SDC4: variants seen among roughly 807,000 people sequenced by gnomAD.
The protein encoded by SDC4 is syndecan 4.
SDC4 carries 17 observed loss-of-function variants against 20.5 expected under a neutral mutation model. The ratio of observed to expected loss-of-function variants is 0.83; its 90% CI spans 0.57 to 1.25. The LOEUF is 1.25. SDC4 is among the 50% of genes most tolerant of loss of function. SDC4 has a pLI of 0.00. For missense variants in SDC4, 241 were observed against 252.3 expected, an observed-to-expected ratio of 0.96 and a Z score of 0.30; for synonymous variants, 107 against 105.3, an observed-to-expected ratio of 1.02 and a Z score of -0.10.
intron 1 of SDC4, among the ~76,000 whole-genome samples, chr20:45,343,867 C>T (rs535120455): frequency 1.3e-5 from 2 of 152,332 alleles, no homozygotes; most frequent in South Asian, 4.1e-4. Flanking sequence ...CTTTAAGCTT[C>T]GCCACACCGG....
chr20:45,328,706 A>G (rs1407240673), intron 4 of SDC4, among the ~76,000 whole-genome samples: 2 of 152,162 alleles, frequency 1.3e-5, no homozygotes, highest in Admixed American at 6.5e-5. Flanking sequence ...TACTCGGGCT[A>G]AGAAGATTAA....
At position 45,330,458 on chromosome 20, in the gene SDC4, G is replaced by A; in HGVS notation, c.353C>T (p.Pro118Leu). The change falls in exon 4 of 5, where the codon CCC (proline) becomes CTC (leucine). Residue 118 changes from proline (P) to leucine (L), a missense_variant. Pro to Leu is a moderately conservative substitution (Grantham distance 98). Transcript: ENST00000372733. ...ENEVIPKRIS[P>L]VEESEDVSNK... is the part of the protein sequence containing the mutation. ...GGACACATCCTCACTCTCTTCAACG[G>A]GTGAGATTCTCTTGGGGATAACCTC... 6.2e-7 allele frequency: 1 copy of A among 1,614,078 alleles called. No individual in the cohort carries two copies. The highest frequency in any genetic ancestry group is 8.5e-7 in the Non-Finnish European group (1 of 1,179,934).
chr20:45,336,887 A>G (rs559491857), intron 1 of SDC4, among the ~76,000 whole-genome samples: 97 of 151,830 alleles, frequency 6.4e-4, no homozygotes, highest in African/African-American at 2.2e-3. Context: ...TGCCTTCCAA[A>G]CATCTCCCAC....
At chr20:45,337,356 T>C (rs1987887098) in intron 1 of SDC4, among the ~76,000 whole-genome samples, 1 of 152,114 alleles carries the variant, frequency 6.6e-6, no homozygotes, top group Admixed American at 6.5e-5. Flanking sequence ...TGAAAGACAT[T>C]CCCATCTTCT....
chr20:45,337,620 C>T (rs914223823), intron 1 of SDC4, among the ~76,000 whole-genome samples: 9 of 152,230 alleles, frequency 5.9e-5, no homozygotes, highest in Non-Finnish European at 1.2e-4. Flanking sequence ...TGAGAAGGAA[C>T]ATCTGTCCCT....
At chr20:45,330,622 G>A in intron 3 of SDC4, 58 bp from the exon 4 acceptor site, 1 of 1,462,914 alleles carries the variant, frequency 6.8e-7, no homozygotes, top group Non-Finnish European at 9.5e-7. Context: ...ACTCAGGGCA[G>A]GGGACAGGGA....
rs528892488 is a variant in SDC4 at position 45,325,454 on chromosome 20, A to G, written c.*1810T>C. 1 of 152,898 alleles carries G rather than the reference A, an allele frequency of 6.5e-6. No individual in the cohort carries two copies. The highest frequency in any genetic ancestry group is 2.4e-5 in the African/African-American group (1 of 41,568). 9.5% of individuals were successfully genotyped at this position (152,898 alleles called of 1,614,324 possible). A position where few individuals can be genotyped will look rare whatever the true frequency, so the allele number is the denominator to read the frequency against. ...GCTGGGACCCTGGGTTGCAGTGGTG[A>G]CGGGAGCTAATGGCCACTGGTGCAG... On this transcript the variant is annotated 3_prime_UTR_variant, in exon 5 of 5. Transcript: ENST00000372733.
chr20:45,335,718 T>C, intron 2 of SDC4, 64 bp downstream of exon 2: 1 of 1,556,302 alleles, frequency 6.4e-7, no homozygotes, highest in South Asian at 1.1e-5. Context: ...GTCACCCTCC[T>C]GGCTGGTGAA....
chr20:45,326,383 T>TAAAA lies in SDC4; in HGVS notation c.*877_*880dup, dbSNP rs35186241. 1.1e-4 allele frequency: 11 copies of TAAAA among 97,674 alleles called. No individual in the cohort carries two copies. Among genetic ancestry groups the TAAAA allele is most frequent in the Admixed American group, 2.3e-4 (2 of 8,848 alleles). 6.1% of individuals were successfully genotyped at this position (97,674 alleles called of 1,614,324 possible). Reference sequence around the variant, plus strand: ...AGGCCCTATCTAAAGCTATAAATAGTAAAAAAAAAAAAAAAAAAAAAAAAT... The same window carrying TAAAA: ...AGGCCCTATCTAAAGCTATAAATAGTAAAAAAAAAAAAAAAAAAAAAAAAAAAAT... On this transcript the variant is annotated 3_prime_UTR_variant, in exon 5 of 5. Coordinates refer to ENST00000372733, the MANE Select transcript of SDC4 (RefSeq NM_002999.4).
intron 4 of SDC4, among the ~76,000 whole-genome samples, chr20:45,329,020 T>G (rs757927660): frequency 2.0e-5 from 3 of 152,130 alleles, no homozygotes; most frequent in Non-Finnish European, 4.4e-5. Context: ...AAATGCCAGG[T>G]CTGCCACTTC....
chr20:45,348,230 G>T (rs1600736794), intron 1 of SDC4, 95 bp downstream of exon 1: 1 of 944,370 alleles, frequency 1.1e-6, no homozygotes, highest in South Asian at 1.4e-5. Context: ...GCGTACCCCC[G>T]ATCTGCCCCC....
intron 3 of SDC4, 118 bp from the exon 4 acceptor site, chr20:45,330,682 T>C (rs1987764315): frequency 2.3e-6 from 2 of 867,138 alleles, no homozygotes; most frequent in African/African-American, 1.7e-5. Flanking sequence ...CTGAACCATA[T>C]GGTCCTGGAG....
intron 3 of SDC4, among the ~76,000 whole-genome samples, chr20:45,332,496 C>T (rs539906218): frequency 6.6e-6 from 1 of 152,212 alleles, no homozygotes; most frequent in South Asian, 2.1e-4. Context: ...TAGGAAATAG[C>T]TATAAATGTA....
At chr20:45,333,932 ATAAT>A (rs1348966006) in intron 2 of SDC4, among the ~76,000 whole-genome samples, 1 of 139,638 alleles carries the variant, frequency 7.2e-6, no homozygotes, top group Non-Finnish European at 1.6e-5. Context: ...AAGAGTAAAA[ATAAT>A]TCATTGGTTA....
chr20:45,341,436 G>C lies in SDC4; in HGVS notation c.61-5516C>G, dbSNP rs1281808764. On this transcript the variant is annotated intron_variant, in intron 1 of 4. Transcript: ENST00000372733. ...GACCTGCCCAAGGTCACACAGCTTTGACCACCTGTCCTAAGCAGACAGAGG... is the reference window on the plus strand; with the variant it reads ...GACCTGCCCAAGGTCACACAGCTTTCACCACCTGTCCTAAGCAGACAGAGG... Among the ~76,000 whole-genome samples the C allele has an allele frequency of 6.6e-5, 10 of 152,192 alleles. 1 individual carries two copies. The highest frequency in any genetic ancestry group is 2.4e-4 in the African/African-American group (10 of 41,434).
At chr20:45,332,589 G>C (rs1200623575) in intron 3 of SDC4, among the ~76,000 whole-genome samples, 3 of 152,032 alleles carry the variant, frequency 2.0e-5, no homozygotes, top group Non-Finnish European at 4.4e-5. Flanking sequence ...CCTGGGGCCA[G>C]ATTTGTTTGT....
intron 1 of SDC4, among the ~76,000 whole-genome samples, chr20:45,346,489 T>A (rs2741450): frequency 0.45 from 68,075 of 152,108 alleles, 17,469 homozygotes; most frequent in East Asian, 0.88. Context: ...CACAGCTGAC[T>A]GCTCAGCACC....
chr20:45,338,364 T>C, intron 1 of SDC4, among the ~76,000 whole-genome samples: 1 of 147,774 alleles, frequency 6.8e-6, no homozygotes, highest in African/African-American at 2.7e-5. Context: ...CCCTGTTAAG[T>C]AGGGGGGTCA....
intron 1 of SDC4, chr20:45,345,934 A>T (rs1430665747): frequency 6.6e-6 from 1 of 152,196 alleles, no homozygotes; most frequent in Admixed American, 6.6e-5. Context: ...AGTCGGGGGA[A>T]CACCACCCAC....
Sources: gnomAD v4.1 joint callset for allele counts (sites outside exome capture counted in the v4.1 genomes callset) on GRCh38, gnomAD v4.1.1 for gene constraint, MANE v1.5 for transcripts, NCBI Gene and HGNC (gene_info 2026-07-23, HGNC 2026-07-21) for gene names.